Variants in C12orf42 observed in about 807,000 individuals in gnomAD.
C12orf42 encodes chromosome 12 open reading frame 42.
Under a neutral mutation model 21.6 loss-of-function variants are expected in C12orf42, and 25 were observed. The observed-to-expected ratio is 1.16, with a 90% CI of 0.84 to 1.62. The LOEUF is 1.62. C12orf42 is among the 40% of genes most tolerant of loss of function. The probability of loss-of-function intolerance (pLI) is 0.00; values close to 1 mark genes in which losing one functional copy is unlikely to be tolerated. For missense variants in C12orf42, 483 were observed against 459.3 expected, an observed-to-expected ratio of 1.05 and a Z score of -0.47; for synonymous variants, 174 against 175.0, an observed-to-expected ratio of 0.99 and a Z score of 0.05.
At chr12:103,057,820 G>C in the C12orf42 span, among the ~76,000 whole-genome samples, 1 of 152,124 alleles carries the variant, frequency 6.6e-6, no homozygotes, top group Non-Finnish European at 1.5e-5. Context: ...GTCACCAACA[G>C]TGTAAAAGCA....
downstream of C12orf42, among the ~76,000 whole-genome samples, chr12:103,301,396 T>G (rs1199456883): frequency 1.3e-5 from 2 of 152,200 alleles, no homozygotes; most frequent in Non-Finnish European, 2.9e-5. Context: ...TTGATAAAGT[T>G]GGTCTCAGAA....
intron 10 of C12orf42, among the ~76,000 whole-genome samples, chr12:103,249,987 G>A (rs188363065): frequency 1.7e-3 from 254 of 152,120 alleles, no homozygotes; most frequent in Non-Finnish European, 2.6e-3. Flanking sequence ...TAGAACATCA[G>A]TTTCTGCAGT....
chr12:103,104,389 G>C, the C12orf42 span, among the ~76,000 whole-genome samples: 2 of 152,126 alleles, frequency 1.3e-5, no homozygotes, highest in Non-Finnish European at 1.5e-5. Context: ...TGTCAGATTT[G>C]GATCTGTATA....
intron 4 of C12orf42, among the ~76,000 whole-genome samples, chr12:103,294,467 A>AAAGAAAGAAAG (rs1566025442): frequency 7.5e-6 from 1 of 133,172 alleles, no homozygotes; most frequent in African/African-American, 3.2e-5. Flanking sequence ...AGAAAGAAAG[A>AAAGAAAGAAAG]AAGAAATAAG....
At chr12:103,482,263 G>T (rs1954525206) in intron 1 of C12orf42, among the ~76,000 whole-genome samples, 1 of 151,978 alleles carries the variant, frequency 6.6e-6, no homozygotes, top group South Asian at 2.1e-4. Context: ...TAAACTCTCA[G>T]GTCTGTTTGG....
the C12orf42 span, among the ~76,000 whole-genome samples, chr12:103,127,353 T>A: frequency 6.6e-6 from 1 of 152,144 alleles, no homozygotes; most frequent in African/African-American, 2.4e-5. Context: ...AATGCAACAT[T>A]CATGCAAAAT....
the C12orf42 span, among the ~76,000 whole-genome samples, chr12:103,114,679 C>T: frequency 6.6e-6 from 1 of 152,174 alleles, no homozygotes; most frequent in Non-Finnish European, 1.5e-5. Flanking sequence ...TATAAAGGTA[C>T]TTTGTAAACT....
At chr12:103,207,478 A>G in the C12orf42 span, among the ~76,000 whole-genome samples, 3 of 152,250 alleles carry the variant, frequency 2.0e-5, no homozygotes, top group Non-Finnish European at 4.4e-5. Flanking sequence ...GCTCACATTC[A>G]TGGACATAAT....
the C12orf42 span, among the ~76,000 whole-genome samples, chr12:103,221,654 CA>C: frequency 6.6e-6 from 1 of 152,146 alleles, no homozygotes; most frequent in African/African-American, 2.4e-5. Context: ...CATCATGATA[CA>C]GAGAAAGGCA....
chr12:103,178,134 C>G, the C12orf42 span: 1 of 152,148 alleles, frequency 6.6e-6, no homozygotes, highest in South Asian at 2.1e-4. Flanking sequence ...CTCACCGCTT[C>G]AAAAGCCCTT....
At chr12:103,200,785 G>A in the C12orf42 span, among the ~76,000 whole-genome samples, 1 of 152,142 alleles carries the variant, frequency 6.6e-6, no homozygotes, top group African/African-American at 2.4e-5. Context: ...TTTTAGGTTG[G>A]TGCAAAAGTA....
chr12:103,410,707 AC>A lies in C12orf42; in HGVS notation c.79-9033del, dbSNP rs570579103. Among the ~76,000 whole-genome samples the A allele has an allele frequency of 3.6e-3, 544 of 152,332 alleles. 6 individuals are homozygous for A. Among genetic ancestry groups the A allele is most frequent in the African/African-American group, 0.012 (509 of 41,576 alleles). ...AGCATGGAAAGCAGGGCAGGTGAAA[AC>A]AGAGGAGTTATTCCCAGGGTGGTTC... On this transcript the variant is annotated intron_variant, in intron 2 of 5. Transcript: ENST00000548883.
the C12orf42 span, among the ~76,000 whole-genome samples, chr12:103,153,493 T>G: frequency 6.6e-6 from 1 of 152,010 alleles, no homozygotes; most frequent in Non-Finnish European, 1.5e-5. Flanking sequence ...AAATAGGCAT[T>G]CCCAATAGAA....
chr12:103,242,816 CTT>C (rs2033814853), intron 10 of C12orf42, among the ~76,000 whole-genome samples: 1 of 152,068 alleles, frequency 6.6e-6, no homozygotes, highest in African/African-American at 2.4e-5. Flanking sequence ...TAGTAATTCA[CTT>C]TATAAAAAGA....
intron 4 of C12orf42, among the ~76,000 whole-genome samples, chr12:103,289,118 G>A (rs2036642300): frequency 6.6e-6 from 1 of 152,110 alleles, no homozygotes; most frequent in Non-Finnish European, 1.5e-5. Context: ...TATAGAACAG[G>A]TAGTACTAAT....
At chr12:103,468,016 T>A (rs374425684) in intron 2 of C12orf42, among the ~76,000 whole-genome samples, 1 of 152,210 alleles carries the variant, frequency 6.6e-6, no homozygotes, top group Non-Finnish European at 1.5e-5. Context: ...TATTTCAGAA[T>A]GGAAACAATT....
chr12:103,047,729 T>C, the C12orf42 span, among the ~76,000 whole-genome samples: 21 of 152,322 alleles, frequency 1.4e-4, no homozygotes, highest in East Asian at 1.5e-3. Context: ...GGCTTATTTA[T>C]GGCTGACATC....
At chr12:103,110,746 C>A in the C12orf42 span, among the ~76,000 whole-genome samples, 2 of 152,232 alleles carry the variant, frequency 1.3e-5, no homozygotes, top group Admixed American at 6.5e-5. Flanking sequence ...TTTCAAAATC[C>A]TTCTAGATTA....
At chr12:103,477,723 G>A (rs900257190) in intron 2 of C12orf42, among the ~76,000 whole-genome samples, 7 of 152,086 alleles carry the variant, frequency 4.6e-5, no homozygotes, top group Admixed American at 2.6e-4. Flanking sequence ...GAAAGGGAAG[G>A]AAACAGAATC....
Sources: gnomAD v4.1 joint callset for allele counts (sites outside exome capture counted in the v4.1 genomes callset) on GRCh38, gnomAD v4.1.1 for gene constraint, MANE v1.5 for transcripts, NCBI Gene and HGNC (gene_info 2026-07-23, HGNC 2026-07-21) for gene names.